Variants in SLC22A3 observed in about 807,000 individuals in gnomAD.
SLC22A3 encodes the protein solute carrier family 22 member 3.
Under a neutral mutation model 59.1 loss-of-function variants are expected in SLC22A3, and 51 were observed. The ratio of observed to expected loss-of-function variants is 0.86; its 90% CI spans 0.69 to 1.09. The LOEUF is 1.09. Among genes scored for constraint, SLC22A3 ranks in the 50% least tolerant of loss-of-function variants. The pLI is 0.00. For synonymous variants in SLC22A3, 325 were observed against 292.0 expected, an observed-to-expected ratio of 1.11 and a Z score of -1.15; for missense variants, 711 against 726.3, an observed-to-expected ratio of 0.98 and a Z score of 0.24.
At chr6:160,443,546 T>G (rs2114925530) in intron 8 of SLC22A3, 84 bp from the exon 9 acceptor site, 1 of 944,558 alleles carries the variant, frequency 1.1e-6, no homozygotes, top group African/African-American at 1.6e-5. Context: ...CTTCCTTTGG[T>G]TTTTTAATAT....
chr6:160,388,575 C>T (rs1786116864), intron 1 of SLC22A3, among the ~76,000 whole-genome samples: 1 of 152,164 alleles, frequency 6.6e-6, no homozygotes, highest in South Asian at 2.1e-4. Flanking sequence ...GTATGTTTCT[C>T]AATCTCTACT....
intron 5 of SLC22A3, among the ~76,000 whole-genome samples, chr6:160,422,056 G>A (rs1787761367): frequency 6.6e-6 from 1 of 152,232 alleles, no homozygotes; most frequent in African/African-American, 2.4e-5. Context: ...ACCCTGGCAG[G>A]AGTCCCTGTG....
intron 2 of SLC22A3, among the ~76,000 whole-genome samples, chr6:160,403,364 T>G (rs1450614953): frequency 6.6e-6 from 1 of 151,880 alleles, no homozygotes; most frequent in Non-Finnish European, 1.5e-5. Context: ...ATAGACAATC[T>G]GAATAGGGCT....
chr6:160,400,561 C>T (rs1786730125), intron 2 of SLC22A3, among the ~76,000 whole-genome samples: 1 of 152,058 alleles, frequency 6.6e-6, no homozygotes, highest in South Asian at 2.1e-4. Flanking sequence ...CACCTCACCA[C>T]CACATTACTA....
intron 5 of SLC22A3, among the ~76,000 whole-genome samples, chr6:160,429,063 C>T (rs1307188249): frequency 6.6e-6 from 1 of 152,182 alleles, no homozygotes; most frequent in East Asian, 1.9e-4. Context: ...CTGTCACTGC[C>T]GAGCTTCCTC....
At chr6:160,363,974 C>G (rs1247656350) in intron 1 of SLC22A3, among the ~76,000 whole-genome samples, 2 of 151,904 alleles carry the variant, frequency 1.3e-5, no homozygotes, top group South Asian at 4.2e-4. Flanking sequence ...GAGTCCCAGA[C>G]AAACTGGGAC....
At chr6:160,408,225 T>C (rs921651240) in intron 3 of SLC22A3, among the ~76,000 whole-genome samples, 3 of 152,182 alleles carry the variant, frequency 2.0e-5, no homozygotes, top group African/African-American at 7.2e-5. Context: ...TTTTAGAGCA[T>C]ATCCTGTCAA....
Position 160,447,699 on chromosome 6 carries a change from A to G in SLC22A3, c.1511-20A>G. 1 of 1,607,624 alleles carries G rather than the reference A, an allele frequency of 6.2e-7. No individual in the cohort carries two copies. Among genetic ancestry groups the G allele is most frequent in the Non-Finnish European group, 8.5e-7 (1 of 1,174,306 alleles). ...AGCTGTGTCTTCCTGGAGCGGTAAC[A>G]CCTTTCCCCTATTCCATAGGTATCC... On this transcript the variant is annotated intron_variant, in intron 9 of 10. Coordinates refer to ENST00000275300, the MANE Select transcript of SLC22A3 (RefSeq NM_021977.4).
At chr6:160,426,110 T>C in intron 5 of SLC22A3, 1 of 985,470 alleles carries the variant, frequency 1.0e-6, no homozygotes, top group Non-Finnish European at 1.2e-6. Flanking sequence ...ACTCATTACA[T>C]GATTGTGATC....
chr6:160,410,709 A>G lies in SLC22A3; in HGVS notation c.858-20A>G. The G allele has an allele frequency of 1.3e-6, 2 of 1,501,376 alleles. No individual in the cohort carries two copies. Among genetic ancestry groups the G allele is most frequent in the Non-Finnish European group, 1.9e-6 (2 of 1,077,532 alleles). The allele number at this position is 1,501,376 out of a possible 1,614,324, so 93.0% of individuals were successfully genotyped here. ...TTGAAATTCCTAGACATAACTCACA[A>G]CAGCCTCCTTCTTTGCCAGGGTGGT... On this transcript the variant is annotated intron_variant, in intron 4 of 10. Coordinates refer to ENST00000275300, the MANE Select transcript of SLC22A3 (RefSeq NM_021977.4).
intron 1 of SLC22A3, among the ~76,000 whole-genome samples, chr6:160,356,409 G>T (rs1185083949): frequency 6.6e-6 from 1 of 152,234 alleles, no homozygotes; most frequent in African/African-American, 2.4e-5. Flanking sequence ...GAATAGAACT[G>T]CTGGCTCTTT....
chr6:160,372,902 C>CT (rs1278731001), intron 1 of SLC22A3, among the ~76,000 whole-genome samples: 3 of 151,974 alleles, frequency 2.0e-5, no homozygotes, highest in African/African-American at 7.3e-5. Flanking sequence ...TTCATATAAC[C>CT]TTTTTTCAAG....
intron 1 of SLC22A3, among the ~76,000 whole-genome samples, chr6:160,370,479 A>G (rs1413176684): frequency 1.3e-5 from 2 of 152,198 alleles, no homozygotes; most frequent in Admixed American, 6.5e-5. Flanking sequence ...CATGAAATCC[A>G]GTGTTAGAAC....
Position 160,414,369 on chromosome 6 carries a change from G to T in SLC22A3, c.975+3523G>T, listed in dbSNP as rs141484217. 2.4e-3 allele frequency among the ~76,000 whole-genome samples: 370 copies of T among 152,246 alleles called. 1 individual carries two copies. Among genetic ancestry groups the T allele is most frequent in the South Asian group, 7.7e-3 (37 of 4,814 alleles). On this transcript the variant is annotated intron_variant, in intron 5 of 10. Transcript: ENST00000275300. ...GTGACACTGAGATATAGCTCATATAGGGAAGACAAGACATATGCATCATTT... is the reference window on the plus strand; with the variant it reads ...GTGACACTGAGATATAGCTCATATATGGAAGACAAGACATATGCATCATTT...
chr6:160,411,159 C>T (rs191341340), intron 5 of SLC22A3, among the ~76,000 whole-genome samples: 1 of 152,226 alleles, frequency 6.6e-6, no homozygotes, highest in Non-Finnish European at 1.5e-5. Flanking sequence ...TTAATAATTG[C>T]ACCAAGTTAC....
At chr6:160,433,300 C>A (rs1236080701) in intron 5 of SLC22A3, among the ~76,000 whole-genome samples, 1 of 152,164 alleles carries the variant, frequency 6.6e-6, no homozygotes, top group African/African-American at 2.4e-5. Flanking sequence ...ATCTACAGAG[C>A]TAACATGAAA....
intron 2 of SLC22A3, among the ~76,000 whole-genome samples, chr6:160,403,602 A>G (rs546630443): frequency 1.5e-4 from 23 of 152,076 alleles, no homozygotes; most frequent in Non-Finnish European, 3.2e-4. Flanking sequence ...AAAGAAAACT[A>G]CAGACTAATA....
At chr6:160,373,477 A>T (rs1215029490) in intron 1 of SLC22A3, among the ~76,000 whole-genome samples, 1 of 152,200 alleles carries the variant, frequency 6.6e-6, no homozygotes, top group Non-Finnish European at 1.5e-5. Flanking sequence ...GTCAGGAGGC[A>T]TGGTGGTTAG....
chr6:160,381,814 C>T (rs1785808204), intron 1 of SLC22A3, among the ~76,000 whole-genome samples: 1 of 152,190 alleles, frequency 6.6e-6, no homozygotes, highest in Non-Finnish European at 1.5e-5. Context: ...ACTACTATAA[C>T]TGTCCTACCT....
Sources: allele counts gnomAD v4.1 joint callset (sites outside exome capture counted in the v4.1 genomes callset), GRCh38; gene constraint gnomAD v4.1.1; transcripts MANE v1.5; gene names NCBI Gene and HGNC (gene_info 2026-07-23, HGNC 2026-07-21).